NCALD: variants seen among roughly 807,000 people sequenced by gnomAD.
NCALD encodes the protein neurocalcin delta, also known as neurocalcin-delta.
In NCALD, 10 loss-of-function variants were observed where a neutral mutation model predicts 18.6. The observed-to-expected ratio is 0.54, with a 90% CI of 0.33 to 0.91. The LOEUF is 0.91. Among genes scored for constraint, NCALD ranks in the 40% least tolerant of loss-of-function variants. The probability of loss-of-function intolerance (pLI) is 0.03; values close to 1 mark genes in which losing one functional copy is unlikely to be tolerated. For missense variants in NCALD, 184 were observed against 247.6 expected, an observed-to-expected ratio of 0.74 and a Z score of 1.72; for synonymous variants, 88 against 87.4, an observed-to-expected ratio of 1.01 and a Z score of -0.04.
intron 4 of NCALD, among the ~76,000 whole-genome samples, chr8:101,796,640 T>C (rs78842944): frequency 0.015 from 2,294 of 152,090 alleles, 98 homozygotes; most frequent in East Asian, 0.12. Flanking sequence ...TGAAGCATGA[T>C]AAGAAGAATA....
At chr8:102,080,557 G>A (rs1824493586) in intron 1 of NCALD, among the ~76,000 whole-genome samples, 1 of 152,124 alleles carries the variant, frequency 6.6e-6, no homozygotes, top group Non-Finnish European at 1.5e-5. Flanking sequence ...GAGCTGGTTA[G>A]GGAGAAGGAA....
chr8:102,073,023 C>T (rs952082196), intron 1 of NCALD, among the ~76,000 whole-genome samples: 4 of 152,052 alleles, frequency 2.6e-5, no homozygotes, highest in African/African-American at 9.7e-5. Context: ...AAAAAGTGCA[C>T]ATAAATATGT....
At chr8:101,833,914 G>C (rs1366779461) in intron 4 of NCALD, among the ~76,000 whole-genome samples, 1 of 152,198 alleles carries the variant, frequency 6.6e-6, no homozygotes, top group Non-Finnish European at 1.5e-5. Context: ...GCAGTGGTAA[G>C]GCCAATGCTC....
chr8:101,857,088 A>G (rs1363802664), intron 4 of NCALD, among the ~76,000 whole-genome samples: 3 of 152,242 alleles, frequency 2.0e-5, no homozygotes, highest in Non-Finnish European at 4.4e-5. Flanking sequence ...ATAAATGAAG[A>G]TAATTCCAGA....
At chr8:102,119,248 G>T (rs1825876945) in intron 1 of NCALD, among the ~76,000 whole-genome samples, 1 of 152,188 alleles carries the variant, frequency 6.6e-6, no homozygotes, top group Admixed American at 6.5e-5. Flanking sequence ...CCTTAAAAAG[G>T]AAAGAAATTC....
intron 4 of NCALD, among the ~76,000 whole-genome samples, chr8:101,856,617 A>G (rs930161021): frequency 1.3e-5 from 2 of 152,310 alleles, no homozygotes; most frequent in Admixed American, 1.3e-4. Flanking sequence ...ATTTATATGA[A>G]TATGAAAACT....
chr8:101,991,301 C>T (rs371602472), intron 2 of NCALD, among the ~76,000 whole-genome samples: 80 of 152,196 alleles, frequency 5.3e-4, no homozygotes, highest in African/African-American at 1.5e-3. Flanking sequence ...CTCATGGAAA[C>T]GCCACCAATG....
intron 3 of NCALD, among the ~76,000 whole-genome samples, chr8:101,903,606 A>C (rs1166059099): frequency 6.6e-6 from 1 of 152,142 alleles, no homozygotes; most frequent in Non-Finnish European, 1.5e-5. Context: ...GAGCCACTGA[A>C]GAGCTTCCCT....
At chr8:101,724,432 G>C (rs1241978930) in intron 1 of NCALD, among the ~76,000 whole-genome samples, 3 of 152,198 alleles carry the variant, frequency 2.0e-5, no homozygotes, top group African/African-American at 7.2e-5. Context: ...AAAAATGCTT[G>C]GCTTCAAAGC....
chr8:101,697,977 TAAG>T (rs1168249569), intron 2 of NCALD, among the ~76,000 whole-genome samples: 4 of 152,118 alleles, frequency 2.6e-5, no homozygotes, highest in African/African-American at 4.8e-5. Flanking sequence ...CATATTCAAA[TAAG>T]AAGAGAGGAA....
At chr8:101,872,451 T>C in intron 4 of NCALD, 3 of 981,132 alleles carry the variant, frequency 3.1e-6, no homozygotes, top group Non-Finnish European at 4.9e-6. Flanking sequence ...GCTCCTCTTC[T>C]GCCTTCTCTT....
At chr8:101,877,790 T>C (rs750453414) in intron 4 of NCALD, among the ~76,000 whole-genome samples, 4 of 152,168 alleles carry the variant, frequency 2.6e-5, no homozygotes, top group Admixed American at 2.0e-4. Flanking sequence ...ATATATAAAG[T>C]ACTTAGAGCA....
rs541882342 is a variant in NCALD at position 101,953,502 on chromosome 8, A to G, written c.-156-37644T>C. Among the ~76,000 whole-genome samples the G allele has an allele frequency of 2.0e-5, 3 of 152,372 alleles. No homozygotes were observed. The South Asian group carries it at 6.2e-4, about 32-fold the overall frequency. On this transcript the variant is annotated intron_variant, in intron 2 of 6. Coordinates refer to the NCALD transcript ENST00000311028. The stretch of plus-strand genomic sequence containing the variant: ...AAAACAAAGATGACAAGCAATTATC[A>G]AACTGCCCTTTCCAAGATCCAAGAA...
At chr8:102,075,430 G>C (rs1824311369) in intron 1 of NCALD, among the ~76,000 whole-genome samples, 1 of 152,152 alleles carries the variant, frequency 6.6e-6, no homozygotes, top group Admixed American at 6.5e-5. Flanking sequence ...TACCAAGGCA[G>C]AGGATTGTCT....
chr8:101,802,899 C>CAA (rs34519871), intron 4 of NCALD, among the ~76,000 whole-genome samples: 29,044 of 99,242 alleles, frequency 0.29, 5,462 homozygotes, highest in Non-Finnish European at 0.4. Flanking sequence ...TGCTGCTGCT[C>CAA]AAAAAAAAAA....
chr8:102,056,774 A>G (rs574065934), intron 1 of NCALD, among the ~76,000 whole-genome samples: 1 of 152,396 alleles, frequency 6.6e-6, no homozygotes, highest in African/African-American at 2.4e-5. Flanking sequence ...GTGTCCAGGC[A>G]GTAGAGCTGG....
At chr8:102,123,425 A>C (rs529167923) in intron 1 of NCALD, among the ~76,000 whole-genome samples, 1 of 150,048 alleles carries the variant, frequency 6.7e-6, no homozygotes, top group Non-Finnish European at 1.5e-5. Flanking sequence ...TTCTTTCTCC[A>C]TGCACAAAAG....
chr8:101,926,021 A>G (rs1818325354), intron 2 of NCALD, among the ~76,000 whole-genome samples: 1 of 152,180 alleles, frequency 6.6e-6, no homozygotes, highest in South Asian at 2.1e-4. Flanking sequence ...TCCTTGTGGA[A>G]CTGTCTTCCC....
intron 3 of NCALD, among the ~76,000 whole-genome samples, chr8:101,905,427 G>T (rs549632016): frequency 6.1e-4 from 92 of 152,038 alleles, no homozygotes; most frequent in African/African-American, 2.1e-3. Flanking sequence ...TCAGGAGGCC[G>T]ACCTCAGCAA....
Sources: allele counts gnomAD v4.1 joint callset (sites outside exome capture counted in the v4.1 genomes callset), GRCh38; gene constraint gnomAD v4.1.1; transcripts MANE v1.5; gene names NCBI Gene and HGNC (gene_info 2026-07-23, HGNC 2026-07-21).